Variants in CDC23 observed in about 807,000 individuals in gnomAD.
CDC23 encodes cell division cycle 23.
A neutral mutation model predicts 81.7 loss-of-function variants in CDC23; 26 were observed. The ratio of observed to expected loss-of-function variants is 0.32; its 90% CI spans 0.23 to 0.44. The LOEUF is 0.44. Among genes scored for constraint, CDC23 ranks in the 20% least tolerant of loss-of-function variants. The pLI, the probability that CDC23 is intolerant of heterozygous loss-of-function variation, is 1.00. For missense variants in CDC23, 519 were observed against 728.0 expected, an observed-to-expected ratio of 0.71 and a Z score of 3.30; for synonymous variants, 267 against 270.8, an observed-to-expected ratio of 0.99 and a Z score of 0.14.
At chr5:138,208,062 A>G (rs1755072824) in intron 2 of CDC23, among the ~76,000 whole-genome samples, 1 of 152,050 alleles carries the variant, frequency 6.6e-6, no homozygotes, top group African/African-American at 2.4e-5. Flanking sequence ...TCTAGGTTCA[A>G]GCAATTCTCC....
At chr5:138,208,670 A>G (rs895471214) in intron 2 of CDC23, among the ~76,000 whole-genome samples, 1 of 152,240 alleles carries the variant, frequency 6.6e-6, no homozygotes, top group African/African-American at 2.4e-5. Flanking sequence ...TATAATTCAG[A>G]AAGTTTTACT....
chr5:138,192,124 A>T, intron 11 of CDC23, 145 bp downstream of exon 11: 1 of 1,064,970 alleles, frequency 9.4e-7, no homozygotes, highest in Non-Finnish European at 1.4e-6. Context: ...CTAAATGAAA[A>T]TAACCAAACA....
At chr5:138,191,389 G>A in intron 13 of CDC23, 85 bp downstream of exon 13, 2 of 1,081,752 alleles carry the variant, frequency 1.8e-6, no homozygotes, top group Non-Finnish European at 1.4e-6. Flanking sequence ...AATGATGGGT[G>A]TATGGGAGGC....
rs888766061 is a variant in CDC23 at position 138,202,093 on chromosome 5, T to C, written c.415+20A>G. 1.2e-6 allele frequency: 2 copies of C among 1,600,988 alleles called. No individual in the cohort carries two copies. The highest frequency in any genetic ancestry group is 2.7e-5 in the African/African-American group (2 of 74,418). On this transcript the variant is annotated intron_variant, in intron 4 of 15. Transcript: ENST00000394886. ...CAACCCTGCTTTTTAGGTCAAAAGGTAAAAGAAAAAAATTCGTACCTAAGC... is the reference window on the plus strand; with the variant it reads ...CAACCCTGCTTTTTAGGTCAAAAGGCAAAAGAAAAAAATTCGTACCTAAGC...
intron 9 of CDC23, 37 bp downstream of exon 9, chr5:138,198,162 T>G: frequency 7.0e-7 from 1 of 1,434,092 alleles, no homozygotes; most frequent in Non-Finnish European, 9.7e-7. Flanking sequence ...TTATAATAAA[T>G]ATAAATCTTA....
chr5:138,198,387 A>G (rs1297329710), intron 8 of CDC23, 39 bp downstream of exon 8: 11 of 1,601,580 alleles, frequency 6.9e-6, no homozygotes, highest in East Asian at 2.2e-5. Context: ...TTAGTGCACA[A>G]AAGAGCTTAA....
At position 138,198,743 on chromosome 5, in the gene CDC23, A is replaced by G. The variant is rs764400471; in HGVS notation, c.694T>C (p.Phe232Leu). Residue 232 changes from phenylalanine to leucine, a missense_variant, in exon 7 of 16, where the codon TTT becomes CTT. Phe to Leu is a conservative substitution (Grantham distance 22). Coordinates refer to ENST00000394886, the MANE Select transcript of CDC23 (RefSeq NM_004661.4). The part of the protein sequence containing the change: ...LSLPDTWMKE[F>L]FLAHIYTELQ... ...TCTGTGTATATATGAGCCAGAAAAA[A>G]CTCTTTCATCCAGGTGTCTGGCAAA... 6.2e-7 allele frequency: 1 copy of G among 1,613,638 alleles called. No homozygotes were observed. Among genetic ancestry groups the G allele is most frequent in the Admixed American group, 1.7e-5 (1 of 59,952 alleles).
chr5:138,193,918 A>G (rs919445800), intron 9 of CDC23, among the ~76,000 whole-genome samples: 7 of 151,856 alleles, frequency 4.6e-5, no homozygotes, highest in African/African-American at 1.4e-4. Flanking sequence ...AGATCGCGCC[A>G]TTGCACTCCA....
At chr5:138,192,725 A>G in intron 9 of CDC23, 68 bp from the exon 10 acceptor site, 2 of 1,427,960 alleles carry the variant, frequency 1.4e-6, no homozygotes, top group Non-Finnish European at 1.9e-6. Context: ...TAAAATAGAT[A>G]GCATTCCACC....
At chr5:138,213,104 C>T in intron 1 of CDC23, 41 bp from the exon 2 acceptor site, 3 of 1,614,100 alleles carry the variant, frequency 1.9e-6, no homozygotes, top group Non-Finnish European at 2.5e-6. Context: ...GACAAGCCCC[C>T]CAAGGCCAAG....
At position 138,195,576 on chromosome 5, in the gene CDC23, A is replaced by T. The variant is rs1196679603; in HGVS notation, c.1012+2623T>A. 1.2e-3 allele frequency among the ~76,000 whole-genome samples: 68 copies of T among 58,348 alleles called. 3 individuals carry two copies. In the East Asian group the frequency reaches 0.037, roughly 32 times the overall value. The allele number at this position is 58,348 out of a possible 152,430, so 38.3% of individuals were successfully genotyped here. On this transcript the variant is annotated intron_variant, in intron 9 of 15. Coordinates refer to ENST00000394886, the MANE Select transcript of CDC23 (RefSeq NM_004661.4). ...AATTATATATAATATATTTATATAT[A>T]ATATATTATATATAATATATATTAT...
chr5:138,213,096 C>T (rs748866740), intron 1 of CDC23, 33 bp from the exon 2 acceptor site: 5 of 1,613,986 alleles, frequency 3.1e-6, no homozygotes, highest in Non-Finnish European at 4.2e-6. Context: ...ATCAGCTCGA[C>T]AAGCCCCCCA....
rs1235449907 is a variant in CDC23 at position 138,198,772 on chromosome 5, A to T, written c.665T>A (p.Leu222Gln). 6.2e-7 allele frequency: 1 copy of T among 1,613,688 alleles called. No homozygotes were observed. The change falls in exon 7 of 16, where the codon CTG (leucine) becomes CAG (glutamine). Residue 222 changes from leucine to glutamine, a missense_variant. Physicochemically the swap from Leu to Gln is moderately radical, Grantham distance 113. Coordinates refer to ENST00000394886, the MANE Select transcript of CDC23 (RefSeq NM_004661.4). ...TTTCATCCAGGTGTCTGGCAAAGAC[A>T]GGAACTTCAGCTGGCAGCAGGAGAG... ...LITDKEMLKF[L>Q]SLPDTWMKEF...
chr5:138,201,505 A>G, intron 4 of CDC23, 57 bp from the exon 5 acceptor site: 2 of 1,162,580 alleles, frequency 1.7e-6, no homozygotes, highest in Non-Finnish European at 2.5e-6. Flanking sequence ...TCATTTTCTT[A>G]TTTTATTTAT....
intron 3 of CDC23, 121 bp from the exon 4 acceptor site, chr5:138,202,276 A>G: frequency 1.5e-6 from 1 of 656,284 alleles, no homozygotes; most frequent in South Asian, 2.0e-5. Flanking sequence ...ACTTTTGGTC[A>G]TTATTTATTT....
At chr5:138,205,826 CA>C (rs946462725) in intron 3 of CDC23, 3 of 152,076 alleles carry the variant, frequency 2.0e-5, no homozygotes, top group South Asian at 2.1e-4. Flanking sequence ...TGCATTGCTC[CA>C]AAACCCAAAA....
chr5:138,208,805 T>C (rs1450696271), intron 2 of CDC23, among the ~76,000 whole-genome samples: 9 of 152,184 alleles, frequency 5.9e-5, no homozygotes, highest in African/African-American at 2.2e-4. Context: ...TTGTTTCGTT[T>C]TGAGACAGGA....
chr5:138,209,716 C>T (rs372421526), intron 2 of CDC23, among the ~76,000 whole-genome samples: 1 of 148,840 alleles, frequency 6.7e-6, no homozygotes, highest in Non-Finnish European at 1.5e-5. Flanking sequence ...CCCGGCTATT[C>T]GGGAGGCTGA....
intron 8 of CDC23, 21 bp from the exon 9 acceptor site, chr5:138,198,301 A>G (rs1754942122): frequency 3.7e-6 from 6 of 1,605,116 alleles, no homozygotes; most frequent in Non-Finnish European, 5.1e-6. Flanking sequence ...AGAAAAAGAC[A>G]ATATAAGCAT....
Sources: allele counts gnomAD v4.1 joint callset (sites outside exome capture counted in the v4.1 genomes callset), GRCh38; gene constraint gnomAD v4.1.1; transcripts MANE v1.5; gene names NCBI Gene and HGNC (gene_info 2026-07-23, HGNC 2026-07-21).